EDIL3: variants seen among roughly 807,000 people sequenced by gnomAD.
EDIL3 encodes the protein EGF-like repeat and discoidin I-like domain-containing protein 3.
A neutral mutation model predicts 67.4 loss-of-function variants in EDIL3; 37 were observed. The ratio of observed to expected loss-of-function variants is 0.55; its 90% confidence interval spans 0.42 to 0.72. EDIL3 has a LOEUF of 0.72. Among genes scored for constraint, EDIL3 ranks in the 30% least tolerant of loss-of-function variants. The probability of loss-of-function intolerance (pLI) is 0.00; values close to 1 mark genes in which losing one functional copy is unlikely to be tolerated. For synonymous variants in EDIL3, 195 were observed against 196.3 expected, an observed-to-expected ratio of 0.99 and a Z score of 0.05; for missense variants, 527 against 586.3, an observed-to-expected ratio of 0.90 and a Z score of 1.04.
chr5:83,977,402 AT>A (rs1410214994), intron 9 of EDIL3, among the ~76,000 whole-genome samples: 1 of 151,656 alleles, frequency 6.6e-6, no homozygotes, highest in Non-Finnish European at 1.5e-5. Flanking sequence ...TTCTCAATCA[AT>A]TTTTTTTCTT....
At chr5:84,256,238 G>A (rs1052926788) in intron 1 of EDIL3, among the ~76,000 whole-genome samples, 1 of 151,602 alleles carries the variant, frequency 6.6e-6, no homozygotes, top group Non-Finnish European at 1.5e-5. Flanking sequence ...TGTCCTTCTA[G>A]TCCTTGAGTA....
chr5:83,972,884 G>GTAT (rs1744818059), intron 9 of EDIL3, among the ~76,000 whole-genome samples: 1 of 151,878 alleles, frequency 6.6e-6, no homozygotes, highest in African/African-American at 2.4e-5. Flanking sequence ...ATAATATCCT[G>GTAT]TATGCATTTT....
At chr5:84,169,823 G>A (rs1287792465) in intron 4 of EDIL3, among the ~76,000 whole-genome samples, 1 of 151,894 alleles carries the variant, frequency 6.6e-6, no homozygotes, top group African/African-American at 2.4e-5. Context: ...CTAGATTTCA[G>A]GCATTACAAA....
At chr5:84,045,619 T>A (rs1449995580) in intron 9 of EDIL3, among the ~76,000 whole-genome samples, 3 of 152,254 alleles carry the variant, frequency 2.0e-5, no homozygotes, top group Non-Finnish European at 4.4e-5. Context: ...TCTTAAATAA[T>A]CTCAGAAAAG....
At chr5:84,059,741 T>C (rs1448910919) in intron 9 of EDIL3, among the ~76,000 whole-genome samples, 1 of 152,174 alleles carries the variant, frequency 6.6e-6, no homozygotes, top group Non-Finnish European at 1.5e-5. Flanking sequence ...TTCATGAAGA[T>C]TGTTTTAAAA....
intron 6 of EDIL3, among the ~76,000 whole-genome samples, chr5:84,084,939 A>G (rs925246591): frequency 2.6e-5 from 4 of 152,242 alleles, no homozygotes; most frequent in African/African-American, 9.6e-5. Context: ...CTACAGTTCA[A>G]TTAAAAAAAT....
At chr5:84,026,915 C>A (rs751488617) in intron 9 of EDIL3, among the ~76,000 whole-genome samples, 3 of 151,936 alleles carry the variant, frequency 2.0e-5, no homozygotes, top group Non-Finnish European at 4.4e-5. Context: ...CAAAACCCGT[C>A]TCTACTTAAA....
chr5:84,318,501 C>G (rs1376310115), intron 1 of EDIL3, among the ~76,000 whole-genome samples: 1 of 152,056 alleles, frequency 6.6e-6, no homozygotes, highest in African/African-American at 2.4e-5. Flanking sequence ...GAAAAAACAC[C>G]ACACATCTAC....
At chr5:84,200,940 C>G (rs114304680) in intron 3 of EDIL3, among the ~76,000 whole-genome samples, 2 of 152,138 alleles carry the variant, frequency 1.3e-5, no homozygotes, top group Non-Finnish European at 1.5e-5. Context: ...TAATTCCATA[C>G]AGATAAGCAT....
At chr5:84,134,612 T>A (rs1351013200) in intron 5 of EDIL3, among the ~76,000 whole-genome samples, 1 of 152,168 alleles carries the variant, frequency 6.6e-6, no homozygotes, top group African/African-American at 2.4e-5. Context: ...TACCCCTTTT[T>A]ACTCTAGATT....
intron 5 of EDIL3, among the ~76,000 whole-genome samples, chr5:84,111,538 G>T (rs1218046790): frequency 6.6e-6 from 1 of 152,168 alleles, no homozygotes; most frequent in East Asian, 1.9e-4. Flanking sequence ...ACTTTTCTAG[G>T]TAGTAGTGAC....
chr5:83,990,725 C>T (rs570154230), intron 9 of EDIL3, among the ~76,000 whole-genome samples: 4 of 150,972 alleles, frequency 2.6e-5, no homozygotes, highest in African/African-American at 4.9e-5. Context: ...ACTGAAAATA[C>T]GAAAATTAGC....
intron 1 of EDIL3, among the ~76,000 whole-genome samples, chr5:84,382,252 A>G (rs1748092421): frequency 6.6e-6 from 1 of 152,234 alleles, no homozygotes; most frequent in Non-Finnish European, 1.5e-5. Context: ...ATTGTCTAAG[A>G]GAACCAGGAT....
At chr5:84,050,866 C>T (rs1268640280) in intron 9 of EDIL3, among the ~76,000 whole-genome samples, 1 of 152,210 alleles carries the variant, frequency 6.6e-6, no homozygotes, top group Admixed American at 6.5e-5. Context: ...CTGCCTGCCT[C>T]TGTAGACTCC....
At chr5:84,339,896 T>C (rs115371004) in intron 1 of EDIL3, among the ~76,000 whole-genome samples, 2,544 of 152,226 alleles carry the variant, frequency 0.017, 72 homozygotes, top group African/African-American at 0.058. Flanking sequence ...TATTGAATTT[T>C]ATTCTTGTTC....
intron 4 of EDIL3, among the ~76,000 whole-genome samples, chr5:84,164,790 A>G (rs1024678125): frequency 6.6e-6 from 1 of 152,130 alleles, no homozygotes; most frequent in Non-Finnish European, 1.5e-5. Context: ...TGGAGTGAGG[A>G]GAAATATATA....
chr5:84,044,657 T>A (rs375720899), intron 9 of EDIL3, among the ~76,000 whole-genome samples: 22 of 152,148 alleles, frequency 1.4e-4, no homozygotes, highest in African/African-American at 4.6e-4. Context: ...AATGGAAATT[T>A]TGTGTTGGGC....
At chr5:84,018,510 G>A (rs993357251) in intron 9 of EDIL3, among the ~76,000 whole-genome samples, 1 of 152,058 alleles carries the variant, frequency 6.6e-6, no homozygotes, top group African/African-American at 2.4e-5. Flanking sequence ...AGCTGTCCTC[G>A]CTCTCACATT....
At chr5:83,977,350 A>C (rs976408798) in intron 9 of EDIL3, among the ~76,000 whole-genome samples, 2 of 151,830 alleles carry the variant, frequency 1.3e-5, no homozygotes, top group African/African-American at 4.8e-5. Context: ...CTATTTGCTA[A>C]TATTCTATTA....
Sources: allele counts gnomAD v4.1 joint callset (sites outside exome capture counted in the v4.1 genomes callset), GRCh38; gene constraint gnomAD v4.1.1; transcripts MANE v1.5; gene names NCBI Gene and HGNC (gene_info 2026-07-23, HGNC 2026-07-21).